The following NRXN2 variants were observed in gnomAD, a reference collection of about 807,000 sequenced individuals.
The protein encoded by NRXN2 is neurexin 2.
In NRXN2, 29 loss-of-function variants were observed where a neutral mutation model predicts 128.8. The observed-to-expected ratio is 0.23, with a 90% CI of 0.17 to 0.31. The LOEUF (loss-of-function observed/expected upper bound fraction) is 0.31. Among genes scored for constraint, NRXN2 ranks in the 10% least tolerant of loss-of-function variants. The pLI, the probability that NRXN2 is intolerant of heterozygous loss-of-function variation, is 1.00. For missense variants in NRXN2, 1,881 were observed against 2,452.6 expected, an observed-to-expected ratio of 0.77 and a Z score of 4.92; for synonymous variants, 1,098 against 1,075.2, an observed-to-expected ratio of 1.02 and a Z score of -0.41.
At chr11:64,685,605 C>T (rs1300926862) in intron 6 of NRXN2, 41 bp downstream of exon 6, 1 of 1,613,618 alleles carries the variant, frequency 6.2e-7, no homozygotes, top group Non-Finnish European at 8.5e-7. Flanking sequence ...CATTCTACCC[C>T]AGGTATAGCT....
intron 6 of NRXN2, among the ~76,000 whole-genome samples, chr11:64,683,419 A>G (rs2052573040): frequency 6.6e-6 from 1 of 152,164 alleles, no homozygotes; most frequent in African/African-American, 2.4e-5. Context: ...CAGGAGTTCA[A>G]GACCAGCCTG....
intron 9 of NRXN2, among the ~76,000 whole-genome samples, chr11:64,663,868 A>G (rs2049398697): frequency 6.6e-6 from 1 of 152,246 alleles, no homozygotes; most frequent in South Asian, 2.1e-4. Flanking sequence ...CCTAAAAAGG[A>G]AGGACATCCT....
chr11:64,657,220 A>T (rs942102830), intron 11 of NRXN2, among the ~76,000 whole-genome samples: 1 of 152,188 alleles, frequency 6.6e-6, no homozygotes, highest in African/African-American at 2.4e-5. Context: ...GGGAGCAAGC[A>T]ATGGGGGACA....
chr11:64,719,844 T>C (rs1336997996), intron 1 of NRXN2, among the ~76,000 whole-genome samples: 1 of 152,048 alleles, frequency 6.6e-6, no homozygotes, highest in African/African-American at 2.4e-5. Flanking sequence ...TTCCTAAAGG[T>C]ATCTATGACA....
At chr11:64,668,397 C>T (rs1490498351) in intron 8 of NRXN2, 46 bp downstream of exon 8, 3 of 1,609,278 alleles carry the variant, frequency 1.9e-6, no homozygotes, top group Non-Finnish European at 2.5e-6. Context: ...AGACAGGAGA[C>T]AAAGGGCTCC....
chr11:64,655,544 C>G (rs1191547895), intron 11 of NRXN2, among the ~76,000 whole-genome samples: 1 of 151,366 alleles, frequency 6.6e-6, no homozygotes. Flanking sequence ...AATGAAGGGT[C>G]CAAAAAAAGA....
chr11:64,682,497 G>A (rs373178141), intron 6 of NRXN2, among the ~76,000 whole-genome samples: 6 of 149,766 alleles, frequency 4.0e-5, no homozygotes, highest in East Asian at 2.0e-4. Context: ...CTTGCGGACC[G>A]CATCTTTGAG....
intron 20 of NRXN2, among the ~76,000 whole-genome samples, chr11:64,625,930 C>A (rs949497492): frequency 7.9e-5 from 12 of 152,166 alleles, no homozygotes; most frequent in African/African-American, 2.7e-4. Flanking sequence ...CTTTGGGGGT[C>A]TTTCCAGTAA....
At position 64,685,839 on chromosome 11, in the gene NRXN2, G is replaced by C; in HGVS notation, c.959C>G (p.Thr320Ser). ...CAGCATCAGGCCGTTGCGTTGCAGG[G>C]TGCGGAAGGCCAGTGTGATCTCATC... ...STDEITLAFR[T>S]LQRNGLMLHT... Residue 320 changes from threonine (T) to serine (S), a missense_variant, in exon 6 of 23, where the codon ACC (threonine) becomes AGC (serine). Physicochemically the swap from Thr to Ser is moderately conservative, Grantham distance 58. This residue lies in a region of NRXN2 where 997 missense variants were observed against 1,240.8 expected (regional missense o/e 0.80). Coordinates refer to ENST00000265459, the MANE Select transcript of NRXN2 (RefSeq NM_015080.4). 2.5e-6 allele frequency: 4 copies of C among 1,614,238 alleles called. No homozygotes were observed. Among genetic ancestry groups the C allele is most frequent in the Non-Finnish European group, 3.4e-6 (4 of 1,180,042 alleles).
chr11:64,630,599 CG>C lies in NRXN2; in HGVS notation c.3586-27del, dbSNP rs769565673. On this transcript the variant is annotated intron_variant, in intron 18 of 22. Coordinates refer to ENST00000265459, the MANE Select transcript of NRXN2 (RefSeq NM_015080.4). The surrounding 1 kb of genome is among the most constrained non-coding windows in gnomAD (Gnocchi z 4.6). ...CTGGGGACATGGAGGTGGAGGTCAG[CG>C]ACCAGAGGGAGCAACCATTCATCCC... 144 of 1,613,114 alleles carry C rather than the reference CG, an allele frequency of 8.9e-5. No individual in the cohort carries two copies. The highest frequency in any genetic ancestry group is 1.1e-4 in the Non-Finnish European group (132 of 1,179,830).
intron 22 of NRXN2, among the ~76,000 whole-genome samples, chr11:64,619,473 C>G (rs181292173): frequency 3.9e-5 from 6 of 152,186 alleles, no homozygotes; most frequent in African/African-American, 1.4e-4. Flanking sequence ...CTCAAGGCCA[C>G]CCCCGCTTTG....
rs998732659 is a variant in NRXN2 at position 64,643,250 on chromosome 11, C to T, written c.3403+4969G>A. The T allele has an allele frequency of 5.5e-5, 54 of 974,954 alleles. No individual in the cohort carries two copies. In the East Asian group the frequency reaches 6.3e-3, roughly 113 times the overall value. The allele number at this position is 974,954 out of a possible 1,614,324, so 60.4% of individuals were successfully genotyped here. ...TGCGGGCTGGAGGAGAGAAGAGGGACGGAGACCTGGTTCCCCCGAAGGCGG... is the reference window on the plus strand; with the variant it reads ...TGCGGGCTGGAGGAGAGAAGAGGGATGGAGACCTGGTTCCCCCGAAGGCGG... On this transcript the variant is annotated intron_variant, in intron 17 of 22. Transcript: ENST00000265459.
chr11:64,681,730 T>G (rs1446590374), intron 6 of NRXN2, among the ~76,000 whole-genome samples: 1 of 152,180 alleles, frequency 6.6e-6, no homozygotes, highest in Non-Finnish European at 1.5e-5. Flanking sequence ...ACCTCAGATC[T>G]AGGATATCAC....
chr11:64,692,173 A>G (rs1224072922), intron 4 of NRXN2, among the ~76,000 whole-genome samples: 2 of 152,244 alleles, frequency 1.3e-5, no homozygotes, highest in Non-Finnish European at 2.9e-5. Context: ...AATCACTAAC[A>G]AGTCATTTCA....
At chr11:64,706,218 ATGTGC>A (rs2135646936) in intron 2 of NRXN2, among the ~76,000 whole-genome samples, 1 of 123,094 alleles carries the variant, frequency 8.1e-6, no homozygotes, top group Non-Finnish European at 1.6e-5. Context: ...CATGTGCACA[ATGTGC>A]AGGTTAGTTA....
chr11:64,722,619 TGCTTCAA>T (rs1174042019), intron 1 of NRXN2, among the ~76,000 whole-genome samples: 1 of 151,818 alleles, frequency 6.6e-6, no homozygotes, highest in Non-Finnish European at 1.5e-5. Flanking sequence ...GGCCCGGCGC[TGCTTCAA>T]GCCTCTGGGG....
At chr11:64,641,777 A>G (rs1287618142) in intron 17 of NRXN2, among the ~76,000 whole-genome samples, 1 of 151,934 alleles carries the variant, frequency 6.6e-6, no homozygotes, top group Non-Finnish European at 1.5e-5. Context: ...ACAGGAGGGG[A>G]AGCCTGGAAA....
chr11:64,630,713 G>A lies in NRXN2; in HGVS notation c.3586-140C>T, dbSNP rs886455625. 62 of 976,420 alleles carry A rather than the reference G, an allele frequency of 6.3e-5. No individual in the cohort carries two copies. The highest frequency in any genetic ancestry group is 8.9e-5 in the Non-Finnish European group (57 of 641,696). 60.5% of individuals were successfully genotyped at this position (976,420 alleles called of 1,614,324 possible). A position where few individuals can be genotyped will look rare whatever the true frequency, so the allele number is the denominator to read the frequency against. On this transcript the variant is annotated intron_variant, in intron 18 of 22. Transcript: ENST00000265459. This position sits in a 1 kb window ranked among gnomAD's most constrained non-coding sequence, Gnocchi z 4.6. ...CAGGTCTCAACCGCTGGAGGAGGTG[G>A]GCAGGCTCGCTCCCCTTCCCCACAT...
chr11:64,716,489 G>A (rs2057307555), intron 1 of NRXN2, among the ~76,000 whole-genome samples: 1 of 152,228 alleles, frequency 6.6e-6, no homozygotes, highest in African/African-American at 2.4e-5. Flanking sequence ...TGGGTGGAGG[G>A]GCAGGGGGGC....
Sources: allele counts gnomAD v4.1 joint callset (sites outside exome capture counted in the v4.1 genomes callset), GRCh38; gene constraint gnomAD v4.1.1; regional missense constraint gnomAD v4.1.1; non-coding constraint Gnocchi (gnomAD v3.1); transcripts MANE v1.5; gene names NCBI Gene and HGNC (gene_info 2026-07-23, HGNC 2026-07-21).